Variants in ACACA observed in about 807,000 individuals in gnomAD.
The protein encoded by ACACA is acetyl-CoA carboxylase 1.
A neutral mutation model predicts 296.1 loss-of-function variants in ACACA; 103 were observed. The observed-to-expected ratio is 0.35, with a 90% CI of 0.30 to 0.41. The LOEUF is 0.41. ACACA is among the 10% of genes least tolerant of loss of function. The pLI, the probability that ACACA is intolerant of heterozygous loss-of-function variation, is 1.00. For synonymous variants in ACACA, 953 were observed against 1,038.6 expected, an observed-to-expected ratio of 0.92 and a Z score of 1.58; for missense variants, 1,554 against 2,989.7, an observed-to-expected ratio of 0.52 and a Z score of 11.20.
chr17:37,253,826 CTTAAT>C (rs928703234), intron 14 of ACACA, among the ~76,000 whole-genome samples: 1 of 152,066 alleles, frequency 6.6e-6, no homozygotes, highest in African/African-American at 2.4e-5. Context: ...TTCCCAAGTG[CTTAAT>C]TTAAAGATTT....
chr17:37,256,158 A>G (rs1004373862), intron 14 of ACACA, among the ~76,000 whole-genome samples: 6 of 152,160 alleles, frequency 3.9e-5, no homozygotes, highest in Non-Finnish European at 8.8e-5. Context: ...TGATTTTTTA[A>G]TATTGTCAAA....
intron 29 of ACACA, among the ~76,000 whole-genome samples, chr17:37,214,741 C>T (rs752467271): frequency 3.7e-4 from 56 of 152,350 alleles, no homozygotes; most frequent in Non-Finnish European, 6.5e-4. Context: ...ATCTTCTCTT[C>T]TGCCAGATAC....
intron 3 of ACACA, among the ~76,000 whole-genome samples, chr17:37,286,091 T>C (rs1442151827): frequency 6.6e-6 from 1 of 152,162 alleles, no homozygotes; most frequent in Non-Finnish European, 1.5e-5. Flanking sequence ...GGTTTCGCCA[T>C]GTTGACCAGG....
chr17:37,189,667 C>T (rs2077670763), intron 38 of ACACA, among the ~76,000 whole-genome samples: 1 of 152,114 alleles, frequency 6.6e-6, no homozygotes, highest in Non-Finnish European at 1.5e-5. Context: ...AAAAATACAG[C>T]TGTACAGTGT....
At chr17:37,312,598 G>T (rs953337495) in intron 3 of ACACA, among the ~76,000 whole-genome samples, 26 of 152,132 alleles carry the variant, frequency 1.7e-4, no homozygotes, top group Admixed American at 1.3e-4. Flanking sequence ...GAAAGCAGAG[G>T]GAAAACATTA....
chr17:37,351,048 G>A (rs544229974), intron 1 of ACACA, among the ~76,000 whole-genome samples: 6 of 152,342 alleles, frequency 3.9e-5, no homozygotes, highest in African/African-American at 7.2e-5. Flanking sequence ...CCTGAGGCAG[G>A]AGAATTGCTT....
At chr17:37,195,236 T>C (rs2077939161) in intron 35 of ACACA, among the ~76,000 whole-genome samples, 1 of 152,190 alleles carries the variant, frequency 6.6e-6, no homozygotes, top group Non-Finnish European at 1.5e-5. Flanking sequence ...TTAATTAAAA[T>C]GTTTGTTTAG....
intron 1 of ACACA, among the ~76,000 whole-genome samples, chr17:37,344,742 C>A (rs1017958546): frequency 6.6e-6 from 1 of 151,780 alleles, no homozygotes; most frequent in Non-Finnish European, 1.5e-5. Flanking sequence ...GGTAAACTTA[C>A]GATCAACACA....
rs1165828702 is a variant in ACACA, at chr17:37,260,296, ATTTTTTTTTTTT to A, written c.1330-778_1330-767del. ...TATATATATATATATATATATATAT[ATTTTTTTTTTTT>A]TTTTTTTTGGAGATGGAGTCTCGCT... On this transcript the variant is annotated intron_variant, in intron 11 of 55. Coordinates refer to ENST00000616317, the MANE Select transcript of ACACA (RefSeq NM_198834.3). Among the ~76,000 whole-genome samples the A allele has an allele frequency of 6.1e-3, 116 of 18,958 alleles. 2 individuals are homozygous for A. The highest frequency in any genetic ancestry group is 0.021 in the African/African-American group (108 of 5,106). 12.4% of individuals were successfully genotyped at this position (18,958 alleles called of 152,430 possible).
At chr17:37,202,696 TATATATATATATATATACAC>T (rs1376526382) in intron 33 of ACACA, among the ~76,000 whole-genome samples, 475 of 18,108 alleles carry the variant, frequency 0.026, 20 homozygotes, top group African/African-American at 0.091. Context: ...TATATATATA[TATATATATATATATATACAC>T]ACACACATAT....
At position 37,191,950 on chromosome 17, in the gene ACACA, A is replaced by G. The variant is rs533967688; in HGVS notation, c.4416+140T>C. On this transcript the variant is annotated intron_variant, in intron 37 of 55. Transcript: ENST00000616317. ...CTTTTGTAAACATTGAAATAGAACA[A>G]GAACCTTGATTCAAAAAATGAAAAC... 3.4e-6 allele frequency: 3 copies of G among 884,236 alleles called. No homozygotes were observed. The East Asian group carries it at 7.9e-5, about 23-fold the overall frequency. 54.8% of individuals were successfully genotyped at this position (884,236 alleles called of 1,614,324 possible).
chr17:37,113,227 C>A lies in ACACA; in HGVS notation c.6313G>T (p.Val2105Leu), dbSNP rs1376108098. The A allele has an allele frequency of 6.8e-6, 11 of 1,614,098 alleles. No individual in the cohort carries two copies. The highest frequency in any genetic ancestry group is 9.3e-6 in the Non-Finnish European group (11 of 1,180,034). The change falls in exon 51 of 56, where the codon GTG becomes TTG. Residue 2105 changes from valine (V) to leucine (L), a missense_variant. By Grantham distance (32) the Val-to-Leu change is conservative. Around this residue, in one of 16 missense-constraint regions of ACACA, gnomAD observed 553 missense variants for 1,043.6 expected, o/e 0.53. Transcript: ENST00000616317. This position sits in a 1 kb window ranked among gnomAD's most constrained non-coding sequence, Gnocchi z 4.0. ...DQVLKFGAYIVDGLRECCQPV... is the reference protein window; with the variant it reads ...DQVLKFGAYILDGLRECCQPV... Reference sequence around the variant, plus strand: ...TGGCAGCACTCCCTCAAGCCATCCACAATGTAAGCACCAAACTTCAGCACT... The same window carrying A: ...TGGCAGCACTCCCTCAAGCCATCCAAAATGTAAGCACCAAACTTCAGCACT...
intron 45 of ACACA, among the ~76,000 whole-genome samples, chr17:37,131,976 A>C (rs972928594): frequency 6.6e-6 from 1 of 152,134 alleles, no homozygotes; most frequent in Non-Finnish European, 1.5e-5. Flanking sequence ...TCCGTCTTTA[A>C]TCTCAGCCCA....
At chr17:37,294,766 T>TC (rs2083248617) in intron 3 of ACACA, among the ~76,000 whole-genome samples, 1 of 152,194 alleles carries the variant, frequency 6.6e-6, no homozygotes, top group East Asian at 1.9e-4. Flanking sequence ...GCCTAGGGTG[T>TC]CCCCTTTGGA....
At chr17:37,158,917 C>G (rs113848088) in intron 42 of ACACA, among the ~76,000 whole-genome samples, 1 of 151,974 alleles carries the variant, frequency 6.6e-6, no homozygotes, top group Non-Finnish European at 1.5e-5. Flanking sequence ...GTGGCTAATG[C>G]CTATAATCTC....
intron 2 of ACACA, among the ~76,000 whole-genome samples, chr17:37,337,572 AC>A (rs1220134834): frequency 2.0e-5 from 3 of 151,872 alleles, no homozygotes; most frequent in African/African-American, 7.2e-5. Flanking sequence ...TCCAACCTCA[AC>A]CTCCAAAATA....
intron 3 of ACACA, chr17:37,289,573 CT>C: frequency 2.6e-6 from 3 of 1,166,520 alleles, no homozygotes; most frequent in Non-Finnish European, 3.5e-6. Flanking sequence ...TAGGACTGAT[CT>C]TCTTAGGAAC....
rs1027980092 is a variant in ACACA, at chr17:37,156,121, T to C, written c.5350-341A>G. Among the ~76,000 whole-genome samples the C allele has an allele frequency of 2.1e-5, 3 of 145,886 alleles. No individual in the cohort carries two copies. The Admixed American group carries it at 2.1e-4, about 10-fold the overall frequency. On this transcript the variant is annotated intron_variant, in intron 42 of 55. Coordinates refer to ENST00000616317, the MANE Select transcript of ACACA (RefSeq NM_198834.3). ...CTCTGTTGCCCAGGCTGGAGTGCAG[T>C]GGCGCGATCTCAGCTCACTGCAAGT...
At chr17:37,300,056 T>C (rs564443477) in intron 3 of ACACA, among the ~76,000 whole-genome samples, 29 of 152,274 alleles carry the variant, frequency 1.9e-4, no homozygotes, top group Admixed American at 6.5e-4. Context: ...TAGTGGTATA[T>C]ATAGACACCT....
Sources: allele counts gnomAD v4.1 joint callset (sites outside exome capture counted in the v4.1 genomes callset), GRCh38; gene constraint gnomAD v4.1.1; regional missense constraint gnomAD v4.1.1; non-coding constraint Gnocchi (gnomAD v3.1); transcripts MANE v1.5; gene names NCBI Gene and HGNC (gene_info 2026-07-23, HGNC 2026-07-21).